ART1: variants seen among roughly 807,000 people sequenced by gnomAD.
ART1 encodes GPI-linked NAD(P)(+)--arginine ADP-ribosyltransferase 1.
A neutral mutation model predicts 27.0 loss-of-function variants in ART1; 29 were observed. The ratio of observed to expected loss-of-function variants is 1.08; its 90% CI spans 0.80 to 1.47. ART1 has a LOEUF of 1.47. ART1 is among the 40% of genes most tolerant of loss of function. The pLI is 0.00. For missense variants in ART1, 480 were observed against 423.0 expected (o/e 1.13, Z -1.18); for synonymous variants, 201 against 172.2 (o/e 1.17, Z -1.31).
Position 3,660,078 on chromosome 11 carries a change from CGGCCAGCAGGGCCCCG to C in ART1, c.565_580del (p.Ala189ProfsTer2), listed in dbSNP as rs1044310817. 7 of 1,613,588 alleles carry C rather than the reference CGGCCAGCAGGGCCCCG, an allele frequency of 4.3e-6. No individual in the cohort carries two copies. The African/African-American group carries it at 9.3e-5, about 22-fold the overall frequency. On this transcript the variant is annotated frameshift_variant, in exon 3 of 5. Transcript: ENST00000250693. LOFTEE classifies it high-confidence loss of function. ...CCGAGGTGTGCACGGCCTGCGCTTC[CGGCCAGCAGGGCCCCG>C]GGCCACCGTGAGGCTGGGGGGCTTT...
chr11:3,663,457 A>G (rs2077637931), intron 4 of ART1, among the ~76,000 whole-genome samples: 1 of 152,124 alleles, frequency 6.6e-6, no homozygotes. Flanking sequence ...CTGATCTTAA[A>G]TCCATGTTTC....
rs777008772 is a variant in ART1, at chr11:3,659,229, A to G, written c.16A>G (p.Met6Val). ...GGTCACCAGCATGCAGATGCCTGCT[A>G]TGATGTCTCTGCTTCTTGTGTCTGT... MQMPA[M>V]MSLLLVSVGL... Residue 6 changes from methionine to valine, a missense_variant, in exon 2 of 5, where the codon ATG becomes GTG. By Grantham distance (21) the Met-to-Val change is conservative. Transcript: ENST00000250693. The G allele has an allele frequency of 2.5e-6, 4 of 1,614,200 alleles. No homozygotes were observed. The Admixed American group carries it at 6.7e-5, about 27-fold the overall frequency.
At position 3,664,261 on chromosome 11, in the gene ART1, G is replaced by A; in HGVS notation, c.*72G>A. 1.4e-6 allele frequency: 2 copies of A among 1,434,116 alleles called. No homozygotes were observed. Among genetic ancestry groups the A allele is most frequent in the Non-Finnish European group, 1.9e-6 (2 of 1,027,948 alleles). 88.8% of individuals were successfully genotyped at this position (1,434,116 alleles called of 1,614,324 possible). A position where few individuals can be genotyped will look rare whatever the true frequency, so the allele number is the denominator to read the frequency against. Reference sequence around the variant, plus strand: ...AGGATGTTGGCCATGTGTGCTTTCAGTGTAACCAAGATTCCTGTCAATCCC... The same window carrying A: ...AGGATGTTGGCCATGTGTGCTTTCAATGTAACCAAGATTCCTGTCAATCCC... On this transcript the variant is annotated 3_prime_UTR_variant, in exon 5 of 5. Transcript: ENST00000250693.
intron 1 of ART1, among the ~76,000 whole-genome samples, chr11:3,658,610 C>A (rs2077592705): frequency 6.6e-6 from 1 of 152,156 alleles, no homozygotes; most frequent in Non-Finnish European, 1.5e-5. Flanking sequence ...AAGAGGACTG[C>A]AGGGAGTGGG....
At chr11:3,645,671 C>T (rs554017192) in intron 1 of ART1, among the ~76,000 whole-genome samples, 2 of 152,290 alleles carry the variant, frequency 1.3e-5, no homozygotes, top group South Asian at 4.1e-4. Context: ...CAGTCCCTGG[C>T]CTTGGCATAC....
At chr11:3,649,651 A>G (rs1342423634) in intron 1 of ART1, among the ~76,000 whole-genome samples, 2 of 152,050 alleles carry the variant, frequency 1.3e-5, no homozygotes, top group Admixed American at 6.6e-5. Context: ...TAATCTTTTT[A>G]TCACCTCCCC....
intron 1 of ART1, among the ~76,000 whole-genome samples, chr11:3,653,630 C>A (rs769945874): frequency 3.9e-5 from 6 of 152,126 alleles, no homozygotes; most frequent in Admixed American, 3.9e-4. Flanking sequence ...CACACGGACG[C>A]GCATGAAAAG....
intron 1 of ART1, among the ~76,000 whole-genome samples, chr11:3,656,089 C>T (rs377124606): frequency 9.1e-4 from 139 of 152,068 alleles, no homozygotes; most frequent in Middle Eastern, 6.8e-3. Flanking sequence ...CACAACACCA[C>T]GCCCAGCTAA....
At chr11:3,648,028 T>TTA (rs2077484109) in intron 1 of ART1, among the ~76,000 whole-genome samples, 1 of 152,190 alleles carries the variant, frequency 6.6e-6, no homozygotes, top group African/African-American at 2.4e-5. Flanking sequence ...GGTTCCTGCC[T>TTA]TAACTGATGA....
chr11:3,661,246 C>A (rs560857911), intron 3 of ART1, 126 bp from the exon 4 acceptor site: 5 of 800,992 alleles, frequency 6.2e-6, no homozygotes, highest in Non-Finnish European at 9.5e-6. Flanking sequence ...CATGAAAGAG[C>A]AGAATTAGGG....
chr11:3,663,089 A>ATCTCATCATC (rs751116037), intron 4 of ART1, among the ~76,000 whole-genome samples: 1 of 87,116 alleles, frequency 1.1e-5, no homozygotes, highest in Non-Finnish European at 2.3e-5. Context: ...ATCTCATCTC[A>ATCTCATCATC]TCATCTCATC....
intron 4 of ART1, chr11:3,663,828 A>G (rs2077640483): frequency 5.6e-6 from 2 of 357,974 alleles, no homozygotes; most frequent in Admixed American, 4.5e-5. Flanking sequence ...AAGCCAGTCA[A>G]ATTTAGCAGT....
At chr11:3,652,548 G>A (rs2077532629) in intron 1 of ART1, among the ~76,000 whole-genome samples, 2 of 152,158 alleles carry the variant, frequency 1.3e-5, no homozygotes, top group African/African-American at 2.4e-5. Flanking sequence ...AGTCAGACGT[G>A]TCCTCAGAAT....
intron 1 of ART1, among the ~76,000 whole-genome samples, chr11:3,658,161 C>T (rs1361000909): frequency 6.6e-6 from 1 of 151,702 alleles, no homozygotes; most frequent in Non-Finnish European, 1.5e-5. Context: ...GGTGAAACCC[C>T]GTCTTTACTA....
intron 1 of ART1, among the ~76,000 whole-genome samples, chr11:3,652,240 C>G (rs983346357): frequency 1.3e-5 from 2 of 151,080 alleles, no homozygotes; most frequent in African/African-American, 2.5e-5. Flanking sequence ...AGGTACAGGC[C>G]TTTCCTACAA....
intron 1 of ART1, among the ~76,000 whole-genome samples, chr11:3,653,548 C>T (rs371691757): frequency 0.035 from 5,355 of 151,920 alleles, 144 homozygotes; most frequent in South Asian, 0.12. Flanking sequence ...ACTCTCTTTT[C>T]GGACTCAGTC....
chr11:3,653,376 T>A (rs2077542474), intron 1 of ART1, among the ~76,000 whole-genome samples: 1 of 148,430 alleles, frequency 6.7e-6, no homozygotes, highest in African/African-American at 2.6e-5. Context: ...TGACATTGTC[T>A]TGTGAAATTC....
intron 4 of ART1, among the ~76,000 whole-genome samples, chr11:3,662,440 C>A (rs531264359): frequency 1.3e-5 from 2 of 152,150 alleles, no homozygotes; most frequent in East Asian, 3.9e-4. Flanking sequence ...GCAGGAAGGA[C>A]CCCCCAGCTT....
intron 1 of ART1, among the ~76,000 whole-genome samples, chr11:3,655,095 C>T (rs941769306): frequency 6.6e-6 from 1 of 152,202 alleles, no homozygotes; most frequent in Non-Finnish European, 1.5e-5. Context: ...CTTGGTTGGG[C>T]AGCTCTGCTC....
Sources: allele counts gnomAD v4.1 joint callset (sites outside exome capture counted in the v4.1 genomes callset), GRCh38; gene constraint gnomAD v4.1.1; transcripts MANE v1.5; gene names NCBI Gene and HGNC (gene_info 2026-07-23, HGNC 2026-07-21).